The following DAB2IP variants were observed in gnomAD, a reference collection of about 807,000 sequenced individuals.
DAB2IP encodes the protein disabled homolog 2-interacting protein.
A neutral mutation model predicts 107.2 loss-of-function variants in DAB2IP; 28 were observed. The observed-to-expected ratio is 0.26, with a 90% CI of 0.19 to 0.36. The LOEUF (loss-of-function observed/expected upper bound fraction) is 0.36, where lower values mean the gene tolerates loss of function less well. DAB2IP is among the 10% of genes least tolerant of loss of function. The probability of loss-of-function intolerance (pLI) is 1.00; values close to 1 mark genes in which losing one functional copy is unlikely to be tolerated. For missense variants in DAB2IP, 1,400 were observed against 1,644.7 expected (o/e 0.85, Z 2.57); for synonymous variants, 755 against 706.4 (o/e 1.07, Z -1.09).
chr9:121,650,011 T>TTTTGTTTG (rs1051848703), upstream of DAB2IP, among the ~76,000 whole-genome samples: 1 of 152,208 alleles, frequency 6.6e-6, no homozygotes, highest in Non-Finnish European at 1.5e-5. Flanking sequence ...TGTGTGGTTT[T>TTTTGTTTG]TTTGTTTGTT....
chr9:121,768,349 G>C, intron 9 of DAB2IP, 83 bp from the exon 10 acceptor site: 1 of 1,422,742 alleles, frequency 7.0e-7, no homozygotes, highest in Non-Finnish European at 9.9e-7. Context: ...TGGGGAAAGC[G>C]GGTGGTGGTG....
intron 1 of DAB2IP, among the ~76,000 whole-genome samples, chr9:121,669,785 C>T (rs2119113603): frequency 6.6e-6 from 1 of 152,276 alleles, no homozygotes; most frequent in South Asian, 2.1e-4. Context: ...CTTGTTTTGT[C>T]TCACTTCATC....
At chr9:121,678,818 C>T in intron 2 of DAB2IP, 37 bp downstream of exon 2, 1 of 1,517,252 alleles carries the variant, frequency 6.6e-7, no homozygotes, top group Middle Eastern at 1.8e-4. Flanking sequence ...GCCACTGCCA[C>T]CACCATCACC....
intron 3 of DAB2IP, among the ~76,000 whole-genome samples, chr9:121,712,703 T>C (rs1830396427): frequency 6.6e-6 from 1 of 152,204 alleles, no homozygotes; most frequent in African/African-American, 2.4e-5. Context: ...ATGAGTACTC[T>C]TGAAAGGCCT....
At chr9:121,670,246 C>A (rs1833622363) in intron 1 of DAB2IP, among the ~76,000 whole-genome samples, 1 of 152,200 alleles carries the variant, frequency 6.6e-6, no homozygotes, top group Non-Finnish European at 1.5e-5. Context: ...TCGTGTGTAT[C>A]AATAGTGTGT....
intron 3 of DAB2IP, among the ~76,000 whole-genome samples, chr9:121,716,774 A>G (rs1475401718): frequency 1.3e-5 from 2 of 152,110 alleles, no homozygotes; most frequent in Non-Finnish European, 2.9e-5. Flanking sequence ...AGATTGGCCA[A>G]AGACCAAGAT....
intron 1 of DAB2IP, among the ~76,000 whole-genome samples, chr9:121,614,999 G>A (rs1024771556): frequency 6.6e-6 from 1 of 152,132 alleles, no homozygotes; most frequent in Non-Finnish European, 1.5e-5. Context: ...CTCCCAAAGT[G>A]CTGGTATTAC....
In DAB2IP at chr9:121,766,749, A is replaced by C; in HGVS notation, c.1697+19A>C. The C allele has an allele frequency of 6.2e-7, 1 of 1,611,668 alleles. No individual in the cohort carries two copies. The highest frequency in any genetic ancestry group is 8.5e-7 in the Non-Finnish European group (1 of 1,178,346). ...TTGCCAAGTGAGTGCCTCCTCCCTC[A>C]CCAGGCAGAGTTGGGCAGGGCTGGT... On this transcript the variant is annotated intron_variant, in intron 9 of 15. Transcript: ENST00000408936.
chr9:121,687,511 G>C (rs1042806298), intron 2 of DAB2IP, among the ~76,000 whole-genome samples: 7 of 152,222 alleles, frequency 4.6e-5, no homozygotes, highest in Admixed American at 3.3e-4. Flanking sequence ...TGCTTTGAGA[G>C]GGGGTAAGGC....
intron 3 of DAB2IP, among the ~76,000 whole-genome samples, chr9:121,723,000 C>T (rs528029573): frequency 2.6e-5 from 4 of 152,218 alleles, no homozygotes; most frequent in Non-Finnish European, 5.9e-5. Flanking sequence ...ATCTTATCCA[C>T]GTCCCTGTGC....
chr9:121,666,542 ACACAGGGAGGGGAAGAT>A (rs1002432903), intron 1 of DAB2IP, among the ~76,000 whole-genome samples: 27 of 152,182 alleles, frequency 1.8e-4, no homozygotes, highest in Middle Eastern at 6.8e-3. Flanking sequence ...GAACATGTGG[ACACAGGGAGGGGAAGAT>A]CACAGGGAGG....
At chr9:121,664,610 T>C (rs1833343556) in intron 1 of DAB2IP, among the ~76,000 whole-genome samples, 1 of 152,210 alleles carries the variant, frequency 6.6e-6, no homozygotes, top group Non-Finnish European at 1.5e-5. Context: ...ATTTATTAAG[T>C]ATATTTTGGT....
At chr9:121,677,505 G>A (rs1020648912) in intron 1 of DAB2IP, among the ~76,000 whole-genome samples, 5 of 152,116 alleles carry the variant, frequency 3.3e-5, no homozygotes, top group African/African-American at 1.2e-4. Flanking sequence ...GAGCGAAAGA[G>A]TGAGACCCTG....
Position 121,770,776 on chromosome 9 carries a change from A to C in DAB2IP, c.2078+52A>C, listed in dbSNP as rs772610644. 43 of 1,592,370 alleles carry C rather than the reference A, an allele frequency of 2.7e-5. No individual in the cohort carries two copies. In the East Asian group the frequency reaches 9.4e-4, roughly 35 times the overall value. ...TGGTGGGTGCGTGTGCAGACTAGGC[A>C]CAGCCCATCTGTAATCTCAGATGGG... On this transcript the variant is annotated intron_variant, in intron 11 of 15. Transcript: ENST00000408936.
In DAB2IP at chr9:121,599,848, A is replaced by T. The variant is rs925132116; in HGVS notation, c.40+32620A>T. On this transcript the variant is annotated intron_variant, in intron 1 of 16. Transcript: ENST00000259371. The surrounding 1 kb of genome is among the most constrained non-coding windows in gnomAD (Gnocchi z 6.9). Reference sequence around the variant, plus strand: ...CGAGCGGCATCCCGGGTTCGAGAGGATCCGGGGGCTCCGATGCGAGGTGTT... The same window carrying T: ...CGAGCGGCATCCCGGGTTCGAGAGGTTCCGGGGGCTCCGATGCGAGGTGTT... Among the ~76,000 whole-genome samples, 5 of 151,372 alleles carry T rather than the reference A, an allele frequency of 3.3e-5. No individual in the cohort carries two copies. Among genetic ancestry groups the T allele is most frequent in the African/African-American group, 1.2e-4 (5 of 41,078 alleles).
chr9:121,685,947 A>G (rs1471299504), intron 2 of DAB2IP, among the ~76,000 whole-genome samples: 1 of 152,246 alleles, frequency 6.6e-6, no homozygotes, highest in African/African-American at 2.4e-5. Context: ...GATCCACGGC[A>G]GTGAACAGAG....
Position 121,634,866 on chromosome 9 carries a change from C to A in DAB2IP, c.41-43812C>A, listed in dbSNP as rs960205947. On this transcript the variant is annotated intron_variant, in intron 1 of 16. Coordinates refer to the DAB2IP transcript ENST00000259371. This position sits in a 1 kb window ranked among gnomAD's most constrained non-coding sequence, Gnocchi z 4.7. Reference sequence around the variant, plus strand: ...AGCTGCTCTTCCACTCCCACCCTCACCCCGTGGGCTCGGCTGCTCCCTGCT... The same window carrying A: ...AGCTGCTCTTCCACTCCCACCCTCAACCCGTGGGCTCGGCTGCTCCCTGCT... 4.6e-5 allele frequency among the ~76,000 whole-genome samples: 7 copies of A among 152,180 alleles called. No homozygotes were observed. Among genetic ancestry groups the A allele is most frequent in the Non-Finnish European group, 8.8e-5 (6 of 68,020 alleles).
intron 1 of DAB2IP, among the ~76,000 whole-genome samples, chr9:121,569,154 T>C (rs1829873969): frequency 6.6e-6 from 1 of 152,208 alleles, no homozygotes; most frequent in Admixed American, 6.5e-5. Flanking sequence ...GGTCCAGGGC[T>C]GAAGGAGGCC....
chr9:121,620,459 G>A (rs1341601300), intron 1 of DAB2IP, among the ~76,000 whole-genome samples: 1 of 152,226 alleles, frequency 6.6e-6, no homozygotes, highest in Non-Finnish European at 1.5e-5. Context: ...GAGTAACTGA[G>A]CTGCTCTTTG....
Sources: allele counts gnomAD v4.1 joint callset (sites outside exome capture counted in the v4.1 genomes callset), GRCh38; gene constraint gnomAD v4.1.1; non-coding constraint Gnocchi (gnomAD v3.1); transcripts MANE v1.5; gene names NCBI Gene and HGNC (gene_info 2026-07-23, HGNC 2026-07-21).